Variants in RIMS1 observed in about 807,000 individuals in gnomAD.
RIMS1 encodes the protein regulating synaptic membrane exocytosis protein 1.
In RIMS1, 83 loss-of-function variants were observed where a neutral mutation model predicts 214.1. The observed-to-expected ratio is 0.39, with a 90% CI of 0.32 to 0.47. The LOEUF (loss-of-function observed/expected upper bound fraction) is 0.47. Among genes scored for constraint, RIMS1 ranks in the 20% least tolerant of loss-of-function variants. The probability of loss-of-function intolerance (pLI) is 0.99; values close to 1 mark genes in which losing one functional copy is unlikely to be tolerated. For synonymous variants in RIMS1, 793 were observed against 786.8 expected (o/e 1.01, Z -0.13); for missense variants, 2,050 against 2,161.8 (o/e 0.95, Z 1.03).
At chr6:72,186,786 C>CT (rs993321825) in intron 6 of RIMS1, among the ~76,000 whole-genome samples, 3 of 151,472 alleles carry the variant, frequency 2.0e-5, no homozygotes, top group South Asian at 2.1e-4. Flanking sequence ...TGTACCCCCC[C>CT]CCATATATAT....
chr6:72,124,368 G>T (rs927619920), intron 4 of RIMS1, among the ~76,000 whole-genome samples: 11 of 151,858 alleles, frequency 7.2e-5, no homozygotes, highest in African/African-American at 2.2e-4. Flanking sequence ...GCTTCCCTTT[G>T]TGGGTAACCC....
intron 15 of RIMS1, 77 bp downstream of exon 15, chr6:72,251,445 T>G: frequency 8.6e-7 from 1 of 1,169,362 alleles, no homozygotes; most frequent in Non-Finnish European, 1.2e-6. Flanking sequence ...ATTCAAGATG[T>G]TTTTTTTAAA....
chr6:72,265,754 A>T (rs889462262), intron 21 of RIMS1, among the ~76,000 whole-genome samples: 1 of 152,162 alleles, frequency 6.6e-6, no homozygotes, highest in African/African-American at 2.4e-5. Flanking sequence ...CAATTTAAGC[A>T]TAATCTTTGT....
intron 1 of RIMS1, among the ~76,000 whole-genome samples, chr6:71,938,321 C>G (rs1367717733): frequency 6.6e-6 from 1 of 152,142 alleles, no homozygotes; most frequent in Non-Finnish European, 1.5e-5. Flanking sequence ...CATGGCTCCA[C>G]TAAACATTGC....
intron 2 of RIMS1, among the ~76,000 whole-genome samples, chr6:72,064,349 GAGGGAA>G (rs1418019627): frequency 2.6e-5 from 4 of 151,600 alleles, no homozygotes; most frequent in Admixed American, 6.6e-5. Context: ...GAGAGAGAGA[GAGGGAA>G]GGAAGGAAGG....
At chr6:72,224,973 A>G (rs1049885611) in intron 6 of RIMS1, among the ~76,000 whole-genome samples, 1 of 152,198 alleles carries the variant, frequency 6.6e-6, no homozygotes, top group Non-Finnish European at 1.5e-5. Context: ...CATAAAATAA[A>G]ATGTTCTCCA....
At chr6:71,904,155 A>T (rs983542213) in intron 1 of RIMS1, among the ~76,000 whole-genome samples, 5 of 152,170 alleles carry the variant, frequency 3.3e-5, no homozygotes, top group Admixed American at 2.0e-4. Context: ...CCACAGTGTG[A>T]TAGGGAAAGC....
intron 29 of RIMS1, among the ~76,000 whole-genome samples, chr6:72,360,322 A>C (rs1445695127): frequency 6.6e-6 from 1 of 152,222 alleles, no homozygotes; most frequent in East Asian, 1.9e-4. Flanking sequence ...TCATAAAATT[A>C]ATCTATTTAT....
intron 2 of RIMS1, among the ~76,000 whole-genome samples, chr6:71,980,468 T>C (rs753416571): frequency 6.6e-6 from 1 of 152,108 alleles, no homozygotes; most frequent in Non-Finnish European, 1.5e-5. Context: ...ATATATAGTC[T>C]GATTTGAAAA....
intron 4 of RIMS1, chr6:72,175,340 C>A: frequency 2.4e-6 from 1 of 415,458 alleles, no homozygotes; most frequent in Non-Finnish European, 4.8e-6. Context: ...ATACTAAGTA[C>A]CTCAGATGGA....
intron 4 of RIMS1, among the ~76,000 whole-genome samples, chr6:72,111,373 A>T (rs937008638): frequency 4.6e-5 from 7 of 152,158 alleles, no homozygotes; most frequent in African/African-American, 1.7e-4. Flanking sequence ...CATCCAGGTA[A>T]ATTTGAATAA....
intron 29 of RIMS1, among the ~76,000 whole-genome samples, chr6:72,376,490 A>C (rs113409061): frequency 0.011 from 1,608 of 152,276 alleles, 30 homozygotes; most frequent in African/African-American, 0.036. Flanking sequence ...TCCGTGGCTC[A>C]TTCCTGTAAT....
chr6:71,905,384 G>A (rs190160183), intron 1 of RIMS1, among the ~76,000 whole-genome samples: 1 of 152,170 alleles, frequency 6.6e-6, no homozygotes, highest in Admixed American at 6.6e-5. Context: ...TCTTGAAGCA[G>A]TGATCCCTGA....
Position 72,400,752 on chromosome 6 carries a change from T to C in RIMS1, c.*38T>C. 1 of 1,450,346 alleles carries C rather than the reference T, an allele frequency of 6.9e-7. No homozygotes were observed. Among genetic ancestry groups the C allele is most frequent in the South Asian group, 1.2e-5 (1 of 83,742 alleles). The allele number at this position is 1,450,346 out of a possible 1,614,324, so 89.8% of individuals were successfully genotyped here. The stretch of plus-strand genomic sequence containing the variant: ...AGAGTCATTCCAATAAAACTCTACT[T>C]TTCAGGATAATAATCTGAACCAGAT... On this transcript the variant is annotated 3_prime_UTR_variant, in exon 34 of 34. Coordinates refer to ENST00000521978, the MANE Select transcript of RIMS1 (RefSeq NM_014989.7).
intron 28 of RIMS1, among the ~76,000 whole-genome samples, chr6:72,332,885 A>G (rs2096719024): frequency 6.6e-6 from 1 of 151,802 alleles, no homozygotes; most frequent in Non-Finnish European, 1.5e-5. Context: ...AGCTGGTAAC[A>G]TAGACAAGTT....
At chr6:72,160,873 G>T (rs1220476530) in intron 4 of RIMS1, among the ~76,000 whole-genome samples, 1 of 140,054 alleles carries the variant, frequency 7.1e-6, no homozygotes, top group Non-Finnish European at 1.6e-5. Context: ...GCCAGGCTTT[G>T]GTATCAGGAT....
intron 31 of RIMS1, among the ~76,000 whole-genome samples, chr6:72,393,083 T>TA (rs2098725885): frequency 9.0e-6 from 1 of 111,586 alleles, no homozygotes; most frequent in Admixed American, 9.1e-5. Flanking sequence ...TTTCACAGCA[T>TA]GGAAAAAAAA....
intron 26 of RIMS1, among the ~76,000 whole-genome samples, chr6:72,305,880 A>G (rs1650413195): frequency 6.6e-6 from 1 of 152,168 alleles, no homozygotes; most frequent in African/African-American, 2.4e-5. Context: ...TGCTGAATTT[A>G]AACAAAGTGA....
intron 2 of RIMS1, 89 bp downstream of exon 2, chr6:71,969,152 G>A: frequency 1.6e-6 from 2 of 1,234,380 alleles, no homozygotes; most frequent in Non-Finnish European, 2.4e-6. Context: ...TGTGAGAGTA[G>A]ATACTCTGGC....
Sources: gnomAD v4.1 joint callset for allele counts (sites outside exome capture counted in the v4.1 genomes callset) on GRCh38, gnomAD v4.1.1 for gene constraint, MANE v1.5 for transcripts, NCBI Gene and HGNC (gene_info 2026-07-23, HGNC 2026-07-21) for gene names.